The following MICU2 variants were observed in gnomAD, a reference collection of about 807,000 sequenced individuals.
MICU2 encodes mitochondrial calcium uptake 2.
In MICU2, 64 loss-of-function variants were observed where a neutral mutation model predicts 60.4. The observed-to-expected ratio is 1.06, with a 90% CI of 0.87 to 1.31. The LOEUF is 1.31. MICU2 is among the 50% of genes most tolerant of loss of function. The probability of loss-of-function intolerance (pLI) is 0.00; values close to 1 mark genes in which losing one functional copy is unlikely to be tolerated. For missense variants in MICU2, 569 were observed against 531.0 expected (o/e 1.07, Z -0.70); for synonymous variants, 201 against 175.0 (o/e 1.15, Z -1.17).
intron 1 of MICU2, among the ~76,000 whole-genome samples, chr13:21,571,897 C>G (rs553686719): frequency 1.3e-5 from 2 of 152,184 alleles, no homozygotes; most frequent in Non-Finnish European, 2.9e-5. Context: ...AAAGTAACAG[C>G]AGCCATACAG....
intron 8 of MICU2, among the ~76,000 whole-genome samples, chr13:21,508,294 T>G (rs1269164604): frequency 6.6e-6 from 1 of 151,774 alleles, no homozygotes; most frequent in African/African-American, 2.4e-5. Flanking sequence ...CCTGGCTAAT[T>G]TTTTGTATTT....
chr13:21,530,050 A>G (rs1228446472), intron 4 of MICU2, among the ~76,000 whole-genome samples: 1 of 152,172 alleles, frequency 6.6e-6, no homozygotes, highest in Admixed American at 6.5e-5. Flanking sequence ...GATACTTCTA[A>G]CGCTTCCCAA....
At chr13:21,573,211 G>A (rs1180096907) in intron 1 of MICU2, among the ~76,000 whole-genome samples, 3 of 152,140 alleles carry the variant, frequency 2.0e-5, no homozygotes, top group Non-Finnish European at 4.4e-5. Flanking sequence ...ACTGTTACAT[G>A]TCAAATAAAA....
chr13:21,575,233 T>C lies in MICU2; in HGVS notation c.211-8289A>G, dbSNP rs752917684. Among the ~76,000 whole-genome samples, 14 of 152,202 alleles carry C rather than the reference T, an allele frequency of 9.2e-5. No individual in the cohort carries two copies. The Middle Eastern group carries it at 0.017, about 185-fold the overall frequency. On this transcript the variant is annotated intron_variant, in intron 1 of 11. Transcript: ENST00000382374. ...TTTCTATCTGGAGAACAGTGGCCAC[T>C]GTCAGGGGATGCTGATGAGTAAATA...
chr13:21,601,585 T>C (rs999659800), intron 1 of MICU2, among the ~76,000 whole-genome samples: 3 of 152,002 alleles, frequency 2.0e-5, no homozygotes, highest in African/African-American at 7.3e-5. Context: ...GTGAAGCTTT[T>C]AGAATCAAGT....
At chr13:21,504,329 G>C (rs1207262632) in intron 8 of MICU2, among the ~76,000 whole-genome samples, 1 of 151,876 alleles carries the variant, frequency 6.6e-6, no homozygotes, top group African/African-American at 2.4e-5. Context: ...CACTGAATTA[G>C]GCAAGCAGAA....
At chr13:21,567,999 A>G (rs974915264) in intron 1 of MICU2, among the ~76,000 whole-genome samples, 1 of 152,192 alleles carries the variant, frequency 6.6e-6, no homozygotes, top group Non-Finnish European at 1.5e-5. Flanking sequence ...ATACAAGAAC[A>G]TATTATCTGT....
intron 2 of MICU2, among the ~76,000 whole-genome samples, chr13:21,544,735 C>T (rs1007772124): frequency 2.6e-5 from 4 of 152,086 alleles, no homozygotes; most frequent in Non-Finnish European, 5.9e-5. Context: ...TCACTGAGTC[C>T]TCAACTTCCT....
intron 6 of MICU2, among the ~76,000 whole-genome samples, chr13:21,518,309 G>A (rs1042559612): frequency 4.6e-5 from 7 of 152,172 alleles, no homozygotes; most frequent in East Asian, 3.9e-4. Context: ...CAACAACAAC[G>A]ATATGCCTTC....
chr13:21,514,540 C>T (rs1886516772), intron 6 of MICU2, 122 bp from the exon 7 acceptor site: 5 of 505,808 alleles, frequency 9.9e-6, no homozygotes, highest in Admixed American at 3.6e-5. Context: ...ATATTAACTT[C>T]TTTTTTTTTT....
At chr13:21,572,905 T>C (rs1354471439) in intron 1 of MICU2, among the ~76,000 whole-genome samples, 5 of 151,190 alleles carry the variant, frequency 3.3e-5, no homozygotes, top group Non-Finnish European at 5.9e-5. Flanking sequence ...TGTAGAAAAA[T>C]ATGAAATACA....
At chr13:21,521,211 T>G in intron 6 of MICU2, 34 bp downstream of exon 6, 4 of 1,490,696 alleles carry the variant, frequency 2.7e-6, no homozygotes, top group Non-Finnish European at 3.7e-6. Flanking sequence ...CCAGGTATTT[T>G]ATGATAAACC....
In MICU2 at chr13:21,544,527, A is replaced by AC. The variant is rs1566154673; in HGVS notation, c.359-4840_359-4839insG. Among the ~76,000 whole-genome samples, 10 of 147,794 alleles carry AC rather than the reference A, an allele frequency of 6.8e-5. 1 individual carries two copies. The highest frequency in any genetic ancestry group is 2.2e-4 in the African/African-American group (9 of 40,616). ...ACCAATAAACACATGAAAAAAAAAAAAAAAAAACTCAATACCACTGATCAT... is the reference window on the plus strand; with the variant it reads ...ACCAATAAACACATGAAAAAAAAAAACAAAAAAACTCAATACCACTGATCAT... On this transcript the variant is annotated intron_variant, in intron 2 of 11. Transcript: ENST00000382374.
At chr13:21,582,911 G>T in intron 1 of MICU2, 1 of 179,032 alleles carries the variant, frequency 5.6e-6, no homozygotes, top group Admixed American at 6.0e-5. Flanking sequence ...TTCTGTAGAA[G>T]TACATTGCCT....
chr13:21,536,273 C>T (rs1432465123), intron 4 of MICU2, among the ~76,000 whole-genome samples: 1 of 152,000 alleles, frequency 6.6e-6, no homozygotes, highest in African/African-American at 2.4e-5. Context: ...AGTTATTATA[C>T]CTTTGTCATA....
chr13:21,499,107 C>T (rs546870121), intron 9 of MICU2, among the ~76,000 whole-genome samples: 50 of 152,228 alleles, frequency 3.3e-4, no homozygotes, highest in South Asian at 2.5e-3. Context: ...TGCGCCACCA[C>T]GCCCCGCTAA....
At chr13:21,560,169 T>A (rs1692065272) in intron 2 of MICU2, among the ~76,000 whole-genome samples, 1 of 152,178 alleles carries the variant, frequency 6.6e-6, no homozygotes, top group Non-Finnish European at 1.5e-5. Context: ...TCAATAGAAG[T>A]TCTAATTTTA....
At chr13:21,590,988 A>G (rs892712189) in intron 1 of MICU2, among the ~76,000 whole-genome samples, 2 of 152,240 alleles carry the variant, frequency 1.3e-5, no homozygotes, top group African/African-American at 4.8e-5. Flanking sequence ...AGTGTGCAAA[A>G]TAACTAAATA....
At position 21,569,052 on chromosome 13, in the gene MICU2, C is replaced by T. The variant is rs988575016; in HGVS notation, c.211-2108G>A. On this transcript the variant is annotated intron_variant, in intron 1 of 11. Transcript: ENST00000382374. The stretch of plus-strand genomic sequence containing the variant: ...AATTTTGGGTAAATATCCCCTGTAG[C>T]GAACAAGAAAAGGTAGAGGAATTGA... 7.9e-5 allele frequency among the ~76,000 whole-genome samples: 12 copies of T among 151,968 alleles called. No individual in the cohort carries two copies. The South Asian group carries it at 1.0e-3, about 13-fold the overall frequency.
Sources: allele counts gnomAD v4.1 joint callset (sites outside exome capture counted in the v4.1 genomes callset), GRCh38; gene constraint gnomAD v4.1.1; transcripts MANE v1.5; gene names NCBI Gene and HGNC (gene_info 2026-07-23, HGNC 2026-07-21).